KLHL6: variants seen among roughly 807,000 people sequenced by gnomAD.
KLHL6 encodes the protein kelch like family member 6, also known as kelch-like protein 6.
In KLHL6, 41 loss-of-function variants were observed where a neutral mutation model predicts 58.6. The ratio of observed to expected loss-of-function variants is 0.70; its 90% CI spans 0.55 to 0.91. The LOEUF is 0.91. KLHL6 is among the 40% of genes least tolerant of loss of function. KLHL6 has a pLI of 0.00. For synonymous variants in KLHL6, 338 were observed against 322.7 expected (o/e 1.05, Z -0.51); for missense variants, 714 against 805.6 (o/e 0.89, Z 1.38).
chr3:183,537,782 CT>C (rs1198215367), intron 1 of KLHL6, among the ~76,000 whole-genome samples: 7 of 152,182 alleles, frequency 4.6e-5, no homozygotes, highest in African/African-American at 1.4e-4. Context: ...GACACTCCCC[CT>C]AATCTAAAAT....
intron 3 of KLHL6, among the ~76,000 whole-genome samples, chr3:183,502,587 G>A (rs1416215776): frequency 6.6e-6 from 1 of 152,144 alleles, no homozygotes. Context: ...TGCTCTGGGG[G>A]AGGTCAGCTG....
At chr3:183,493,043 C>A in intron 5 of KLHL6, 1 of 274,014 alleles carries the variant, frequency 3.6e-6, no homozygotes, top group South Asian at 4.9e-5. Context: ...TATTCATATT[C>A]ATTCATGTGC....
chr3:183,501,804 T>C (rs552732089), intron 3 of KLHL6, among the ~76,000 whole-genome samples: 1 of 152,332 alleles, frequency 6.6e-6, no homozygotes, highest in African/African-American at 2.4e-5. Flanking sequence ...CACTTTGCCC[T>C]TTTCTCCAGG....
At chr3:183,542,106 C>T (rs1479770430) in intron 1 of KLHL6, among the ~76,000 whole-genome samples, 3 of 152,160 alleles carry the variant, frequency 2.0e-5, no homozygotes, top group African/African-American at 7.2e-5. Flanking sequence ...TGCTGGAGGC[C>T]TTCTCCCCAA....
Position 183,492,248 on chromosome 3 carries a change from AC to A in KLHL6, c.1565-21del, listed in dbSNP as rs757939265. On this transcript the variant is annotated intron_variant, in intron 6 of 6. Transcript: ENST00000341319. The surrounding 1 kb of genome is among the most constrained non-coding windows in gnomAD (Gnocchi z 5.9). ...CCCCACCTGAGGAGAGGGAGGAAAC[AC>A]GGTGGGCATCGCTCCATTTTTCTGG... The A allele has an allele frequency of 2.6e-6, 4 of 1,564,546 alleles. No individual in the cohort carries two copies. The Admixed American group carries it at 7.5e-5, about 29-fold the overall frequency.
In KLHL6 at chr3:183,511,891, T is replaced by C. The variant is rs1226324924; in HGVS notation, c.460-3383A>G. On this transcript the variant is annotated intron_variant, in intron 2 of 6. Coordinates refer to ENST00000341319, the MANE Select transcript of KLHL6 (RefSeq NM_130446.4). ...GTTTCTTATGTCTTCCCTTTCTACA[T>C]AGACACAGTAACAGTCTGATCTCTC... 3.9e-5 allele frequency among the ~76,000 whole-genome samples: 6 copies of C among 152,008 alleles called. No homozygotes were observed. In the South Asian group the frequency reaches 6.2e-4, roughly 16 times the overall value.
chr3:183,493,876 G>A, intron 5 of KLHL6: 1 of 598,078 alleles, frequency 1.7e-6, no homozygotes, highest in Non-Finnish European at 3.0e-6. Context: ...TCACCACTTG[G>A]AAGGACATTG....
Position 183,494,065 on chromosome 3 carries a change from A to C in KLHL6, c.1350+14T>G, listed in dbSNP as rs1160001766. The C allele has an allele frequency of 1.2e-6, 2 of 1,610,464 alleles. No individual in the cohort carries two copies. The highest frequency in any genetic ancestry group is 1.3e-5 in the African/African-American group (1 of 74,816). Reference sequence around the variant, plus strand: ...ATAATACAGGCAGTTACTGGTAGAAATCGTGTCCTATACCTCTGACCAGCA... The same window carrying C: ...ATAATACAGGCAGTTACTGGTAGAACTCGTGTCCTATACCTCTGACCAGCA... On this transcript the variant is annotated intron_variant, in intron 5 of 6. Coordinates refer to ENST00000341319, the MANE Select transcript of KLHL6 (RefSeq NM_130446.4).
At chr3:183,519,868 C>T (rs984626234) in intron 2 of KLHL6, among the ~76,000 whole-genome samples, 28 of 141,028 alleles carry the variant, frequency 2.0e-4, no homozygotes, top group African/African-American at 7.4e-4. Flanking sequence ...TGCACTCCAG[C>T]CTAGGTGACA....
intron 1 of KLHL6, among the ~76,000 whole-genome samples, chr3:183,536,192 CA>C (rs1168107458): frequency 3.9e-5 from 6 of 152,126 alleles, no homozygotes; most frequent in African/African-American, 1.4e-4. Context: ...CGTAAGGGAA[CA>C]GGGGGGCAAG....
chr3:183,535,633 T>C (rs946499644), intron 1 of KLHL6, among the ~76,000 whole-genome samples: 10 of 152,196 alleles, frequency 6.6e-5, no homozygotes, highest in Non-Finnish European at 1.5e-4. Context: ...TAATCAAGTC[T>C]AAAGGAGGGA....
chr3:183,537,636 C>T, intron 1 of KLHL6, among the ~76,000 whole-genome samples: 1 of 152,066 alleles, frequency 6.6e-6, no homozygotes, highest in Non-Finnish European at 1.5e-5. Flanking sequence ...TGAAAATATC[C>T]ACAGGCCCAA....
chr3:183,487,833 G>A lies in KLHL6; in HGVS notation c.*4094C>T, dbSNP rs1192097059. On this transcript the variant is annotated 3_prime_UTR_variant, in exon 7 of 7. Transcript: ENST00000341319. ...CTAATACAACACCCAGGTATTAAGG[G>A]AAAAAATGATTTTGCAACCCCAAGT... 1 of 152,164 alleles carries A rather than the reference G, an allele frequency of 6.6e-6. No homozygotes were observed. Among genetic ancestry groups the A allele is most frequent in the Non-Finnish European group, 1.5e-5 (1 of 68,020 alleles). 9.4% of individuals were successfully genotyped at this position (152,164 alleles called of 1,614,324 possible).
At chr3:183,533,888 T>C (rs1421647414) in intron 1 of KLHL6, among the ~76,000 whole-genome samples, 1 of 151,696 alleles carries the variant, frequency 6.6e-6, no homozygotes, top group Non-Finnish European at 1.5e-5. Flanking sequence ...CTCACAAGAA[T>C]ATGGTAATAA....
chr3:183,542,909 T>G (rs1712601841), intron 1 of KLHL6, among the ~76,000 whole-genome samples: 1 of 152,058 alleles, frequency 6.6e-6, no homozygotes, highest in South Asian at 2.1e-4. Context: ...GATGGACAGA[T>G]GGATGGAAAT....
chr3:183,517,413 T>A (rs953429606), intron 2 of KLHL6, among the ~76,000 whole-genome samples: 1 of 152,212 alleles, frequency 6.6e-6, no homozygotes, highest in Non-Finnish European at 1.5e-5. Flanking sequence ...CGTGGCAGTA[T>A]GTCTCACAGT....
intron 1 of KLHL6, among the ~76,000 whole-genome samples, chr3:183,551,066 A>T (rs1055723484): frequency 2.7e-5 from 4 of 150,114 alleles, no homozygotes; most frequent in Admixed American, 6.7e-5. Flanking sequence ...GCTTGCAATG[A>T]GCGGAGATAC....
chr3:183,488,703 T>G lies in KLHL6; in HGVS notation c.*3224A>C, dbSNP rs1443707684. 4 of 152,362 alleles carry G rather than the reference T, an allele frequency of 2.6e-5. No homozygotes were observed. In the East Asian group the frequency reaches 7.7e-4, roughly 29 times the overall value. 9.4% of individuals were successfully genotyped at this position (152,362 alleles called of 1,614,324 possible). ...TTCCTGCAAATGTGTTCGTCTTTATTTCTTGAAATGGATTTTAGATTTTAG... is the reference window on the plus strand; with the variant it reads ...TTCCTGCAAATGTGTTCGTCTTTATGTCTTGAAATGGATTTTAGATTTTAG... On this transcript the variant is annotated 3_prime_UTR_variant, in exon 7 of 7. Coordinates refer to ENST00000341319, the MANE Select transcript of KLHL6 (RefSeq NM_130446.4).
chr3:183,503,779 G>A (rs1346096235), intron 3 of KLHL6, among the ~76,000 whole-genome samples: 1 of 152,096 alleles, frequency 6.6e-6, no homozygotes, highest in Non-Finnish European at 1.5e-5. Flanking sequence ...AAGTCTGTCT[G>A]AAGAAAAAAC....
Sources: gnomAD v4.1 joint callset for allele counts (sites outside exome capture counted in the v4.1 genomes callset) on GRCh38, gnomAD v4.1.1 for gene constraint, Gnocchi (gnomAD v3.1) non-coding constraint, MANE v1.5 for transcripts, NCBI Gene and HGNC (gene_info 2026-07-23, HGNC 2026-07-21) for gene names.